PLTP: variants seen among roughly 807,000 people sequenced by gnomAD.
PLTP encodes the protein phospholipid transfer protein, also known as BPI fold containing family E.
PLTP carries 43 observed loss-of-function variants against 54.1 expected under a neutral mutation model. That is an observed-to-expected ratio of 0.79 (90% CI 0.62 to 1.02). PLTP has a LOEUF of 1.02. Ranked by LOEUF, PLTP falls within the 50% of genes least tolerant of loss-of-function variation. PLTP has a pLI of 0.00. For missense variants in PLTP, 604 were observed against 645.9 expected (o/e 0.94, Z 0.70); for synonymous variants, 263 against 264.6 (o/e 0.99, Z 0.06).
intron 3 of PLTP, chr20:45,910,807 C>T (rs2083282768): frequency 4.9e-6 from 6 of 1,214,082 alleles, no homozygotes; most frequent in Non-Finnish European, 6.3e-6. Context: ...CTCCACCCCT[C>T]CGATTAACTC....
At chr20:45,910,220 T>C in intron 3 of PLTP, 150 bp from the exon 4 acceptor site, 1 of 845,406 alleles carries the variant, frequency 1.2e-6, no homozygotes, top group Non-Finnish European at 1.9e-6. Flanking sequence ...GTGCCCAACT[T>C]AGACTTGGGT....
intron 14 of PLTP, 34 bp downstream of exon 14, chr20:45,899,588 C>T (rs2083157035): frequency 6.2e-7 from 1 of 1,614,164 alleles, no homozygotes; most frequent in Admixed American, 1.7e-5. Context: ...GTTCACCCCT[C>T]CTTTCTTCCT....
chr20:45,900,549 G>GACAAC (rs1438519214), intron 12 of PLTP, among the ~76,000 whole-genome samples: 1 of 151,762 alleles, frequency 6.6e-6, no homozygotes, highest in Non-Finnish European at 1.5e-5. Context: ...TTATTTTTGA[G>GACAAC]ACAGCGTCTC....
intron 3 of PLTP, 106 bp downstream of exon 3, chr20:45,911,046 C>T: frequency 6.2e-7 from 1 of 1,609,098 alleles, no homozygotes. Context: ...TTTGGCCACG[C>T]CCCATCCCAC....
In PLTP at chr20:45,904,973, C is replaced by G. The variant is rs576843434; in HGVS notation, c.851G>C (p.Gly284Ala). 1 of 1,614,260 alleles carries G rather than the reference C, an allele frequency of 6.2e-7. No homozygotes were observed. Among genetic ancestry groups the G allele is most frequent in the East Asian group, 2.2e-5 (1 of 44,888 alleles). The change falls in exon 9 of 16, where the codon GGG becomes GCG. Residue 284 changes from glycine (G) to alanine (A), a missense_variant. Coordinates refer to ENST00000372431, the MANE Select transcript of PLTP (RefSeq NM_006227.4). The stretch of plus-strand genomic sequence containing the variant: ...CCCCACCAGCAACAGCTGCAGGGCC[C>G]CCGCCCGGAAGTAGCTCTCCATGGC... ...DSAMESYFRA[G>A]ALQLLLVGDK...
intron 12 of PLTP, among the ~76,000 whole-genome samples, chr20:45,901,774 C>T (rs1312357624): frequency 6.6e-6 from 1 of 151,562 alleles, no homozygotes; most frequent in African/African-American, 2.4e-5. Context: ...TGGTGGCGCA[C>T]ACCTGTAATC....
In PLTP at chr20:45,905,009, A is replaced by AACTCAGAGT; in HGVS notation, c.814_815insACTCTGAGT (p.Phe271_Phe272insTyrSerGlu). 2 of 1,614,164 alleles carry AACTCAGAGT rather than the reference A, an allele frequency of 1.2e-6. No homozygotes were observed. Among genetic ancestry groups the AACTCAGAGT allele is most frequent in the South Asian group, 2.2e-5 (2 of 91,082 alleles). ...GTAGCTCTCCATGGCAGAGTCGAAG[A>AACTCAGAGT]AGAACTCAGAGAAGGCCACATACAC... On this transcript the variant is annotated inframe_insertion, in exon 9 of 16. Transcript: ENST00000372431.
At chr20:45,899,318 G>T in intron 15 of PLTP, 144 bp downstream of exon 15, 1 of 943,378 alleles carries the variant, frequency 1.1e-6, no homozygotes, top group Non-Finnish European at 1.7e-6. Flanking sequence ...AAGTCACAGT[G>T]TGTGCAACGG....
intron 7 of PLTP, 49 bp from the exon 8 acceptor site, chr20:45,906,408 G>A: frequency 1.4e-6 from 2 of 1,421,410 alleles, no homozygotes; most frequent in Non-Finnish European, 2.0e-6. Context: ...GTGGGATAAG[G>A]TGCTTAACCT....
At chr20:45,903,886 A>G (rs958835070) in intron 10 of PLTP, among the ~76,000 whole-genome samples, 1 of 151,972 alleles carries the variant, frequency 6.6e-6, no homozygotes, top group African/African-American at 2.4e-5. Context: ...TTCAATAGAG[A>G]CAGTGTCTCA....
chr20:45,902,593 C>T lies in PLTP; in HGVS notation c.954G>A (p.Val318=), dbSNP rs1376063733. ...FGSIVLLSPA[V]IDSPLKLELR... Reference sequence around the variant, plus strand: ...GCTCCAGCTTCAATGGGGAGTCAATCACTGCTGGGCTCTGGGGGATGAGCA... The same window carrying T: ...GCTCCAGCTTCAATGGGGAGTCAATTACTGCTGGGCTCTGGGGGATGAGCA... The change falls in exon 11 of 16, where the codon GTG becomes GTA. Residue 318 remains valine (V), a synonymous_variant. Transcript: ENST00000372431. 1 of 1,608,974 alleles carries T rather than the reference C, an allele frequency of 6.2e-7. No individual in the cohort carries two copies. Among genetic ancestry groups the T allele is most frequent in the Non-Finnish European group, 8.5e-7 (1 of 1,177,326 alleles).
chr20:45,899,906 C>G (rs772336918), intron 12 of PLTP, 28 bp from the exon 13 acceptor site: 6 of 1,435,954 alleles, frequency 4.2e-6, no homozygotes, highest in Non-Finnish European at 5.6e-6. Context: ...GCCCTGTGGG[C>G]AGGAAGCCTG....
rs1167980728 is a variant in PLTP at position 45,899,848 on chromosome 20, C to T, written c.1206G>A (p.Leu402=). Residue 402 remains leucine (L), a synonymous_variant, in exon 13 of 16, where the codon CTG becomes CTA. Transcript: ENST00000372431. ...CTTCCCCACTCACAGCCAGCGACTC[C>T]AGTGCAGAATGGTTGGAATAGATTC... ...RFRIYSNHSA[L]ESLALIPLQA... 1.3e-6 allele frequency: 2 copies of T among 1,547,766 alleles called. No homozygotes were observed. The highest frequency in any genetic ancestry group is 2.5e-5 in the East Asian group (1 of 40,804).
At chr20:45,899,128 A>C in intron 15 of PLTP, 65 bp from the exon 16 acceptor site, 1 of 1,602,926 alleles carries the variant, frequency 6.2e-7, no homozygotes. Flanking sequence ...TTAGAGATCA[A>C]GAGACAGAGT....
intron 10 of PLTP, among the ~76,000 whole-genome samples, chr20:45,903,515 C>T (rs1410139941): frequency 1.3e-5 from 2 of 152,108 alleles, no homozygotes; most frequent in Admixed American, 6.5e-5. Context: ...CAGGCGTGAG[C>T]CACCGTGCCT....
intron 12 of PLTP, among the ~76,000 whole-genome samples, chr20:45,901,107 C>A (rs537552050): frequency 6.6e-6 from 1 of 152,280 alleles, no homozygotes; most frequent in South Asian, 2.1e-4. Flanking sequence ...TTTGTATCTG[C>A]ACCGTCTACT....
chr20:45,909,660 C>A lies in PLTP; in HGVS notation c.341G>T (p.Gly114Val). ...QLLYWFFYDGGYINASAEGVS... is the reference protein window; with the variant it reads ...QLLYWFFYDGVYINASAEGVS... The stretch of plus-strand genomic sequence containing the variant: ...ACCCTCAGCTGAGGCGTTGATGTAG[C>A]CCCCATCATAGCTGCCAGGGGGGTT... The change falls in exon 5 of 16, where the codon GGC (glycine) becomes GTC (valine). Residue 114 changes from glycine to valine, a missense_variant. Transcript: ENST00000372431. 6.2e-7 allele frequency: 1 copy of A among 1,614,106 alleles called. No homozygotes were observed. The highest frequency in any genetic ancestry group is 1.1e-5 in the South Asian group (1 of 91,082).
Position 45,905,122 on chromosome 20 carries a change from G to C in PLTP, c.706-4C>G. Reference sequence around the variant, plus strand: ...CAGTCAGGGGGAAGAAGGCCCCCTGGGGTGGGGCATTCACAGTCAGGGTCA... The same window carrying C: ...CAGTCAGGGGGAAGAAGGCCCCCTGCGGTGGGGCATTCACAGTCAGGGTCA... On this transcript the variant is annotated splice_polypyrimidine_tract_variant and splice_region_variant and intron_variant, in intron 8 of 15. Transcript: ENST00000372431. 1 of 1,613,374 alleles carries C rather than the reference G, an allele frequency of 6.2e-7. No homozygotes were observed.
intron 3 of PLTP, among the ~76,000 whole-genome samples, chr20:45,910,317 CTTGT>C (rs1174687232): frequency 6.6e-6 from 1 of 152,028 alleles, no homozygotes; most frequent in African/African-American, 2.4e-5. Flanking sequence ...GCTTAAAAGT[CTTGT>C]TTGTTTGTTT....
Sources: gnomAD v4.1 joint callset for allele counts (sites outside exome capture counted in the v4.1 genomes callset) on GRCh38, gnomAD v4.1.1 for gene constraint, MANE v1.5 for transcripts, NCBI Gene and HGNC (gene_info 2026-07-23, HGNC 2026-07-21) for gene names.